GABRA1: variants seen among roughly 807,000 people sequenced by gnomAD.
The protein encoded by GABRA1 is gamma-aminobutyric acid type A receptor subunit alpha1.
GABRA1 carries 9 observed loss-of-function variants against 48.9 expected under a neutral mutation model. The observed-to-expected ratio is 0.18, with a 90% CI of 0.11 to 0.32. The LOEUF (loss-of-function observed/expected upper bound fraction) is 0.32, where lower values mean the gene tolerates loss of function less well. Among genes scored for constraint, GABRA1 ranks in the 10% least tolerant of loss-of-function variants. GABRA1 has a pLI of 1.00. For missense variants in GABRA1, 285 were observed against 553.8 expected (o/e 0.51, Z 4.87); for synonymous variants, 210 against 198.7 (o/e 1.06, Z -0.48).
chr5:161,893,048 T>TAATAAAAAAAAAA (rs5872733), intron 8 of GABRA1, among the ~76,000 whole-genome samples: 1 of 141,994 alleles, frequency 7.0e-6, no homozygotes, highest in South Asian at 2.2e-4. Flanking sequence ...ATAATAATAA[T>TAATAAAAAAAAAA]AAAATAAACA....
intron 3 of GABRA1, among the ~76,000 whole-genome samples, chr5:161,863,794 G>A (rs4605831): frequency 0.19 from 29,341 of 150,866 alleles, 3,463 homozygotes; most frequent in Middle Eastern, 0.3. Context: ...AGTTATATAC[G>A]CCTCAAGCGT....
intron 6 of GABRA1, among the ~76,000 whole-genome samples, chr5:161,881,420 A>G (rs992848977): frequency 1.1e-4 from 17 of 152,036 alleles, no homozygotes; most frequent in Non-Finnish European, 2.9e-5. Context: ...AACTGTGTAA[A>G]TTATCCATCA....
rs895383554 is a variant in GABRA1, at chr5:161,857,765, T to C, written c.187+3495T>C. On this transcript the variant is annotated intron_variant, in intron 3 of 9. Transcript: ENST00000393943. ...TAGACTTGAGTTAAAATAATCAGTA[T>C]CCAGAAAATAAAACTAAAAATTATC... Among the ~76,000 whole-genome samples, 15 of 151,590 alleles carry C rather than the reference T, an allele frequency of 9.9e-5. No homozygotes were observed. The Middle Eastern group carries it at 0.014, about 137-fold the overall frequency.
At chr5:161,855,984 A>G (rs2113314497) in intron 3 of GABRA1, among the ~76,000 whole-genome samples, 1 of 151,520 alleles carries the variant, frequency 6.6e-6, no homozygotes, top group South Asian at 2.1e-4. Context: ...ACAAACTGTT[A>G]AAATATTAGC....
chr5:161,894,106 T>C (rs1370654123), intron 8 of GABRA1, among the ~76,000 whole-genome samples: 1 of 152,208 alleles, frequency 6.6e-6, no homozygotes, highest in South Asian at 2.1e-4. Flanking sequence ...TTGTCAATTA[T>C]AATAGTCATT....
At chr5:161,858,149 A>C (rs894250458) in intron 3 of GABRA1, among the ~76,000 whole-genome samples, 22 of 151,488 alleles carry the variant, frequency 1.5e-4, no homozygotes, top group African/African-American at 5.3e-4. Context: ...ATCAATTTAT[A>C]TGGCTCTTTT....
At chr5:161,873,570 A>C (rs1225413885) in intron 5 of GABRA1, among the ~76,000 whole-genome samples, 1 of 152,172 alleles carries the variant, frequency 6.6e-6, no homozygotes, top group African/African-American at 2.4e-5. Flanking sequence ...AATTTTCTGT[A>C]GCTAGGTGGA....
At chr5:161,857,379 C>T (rs1257457076) in intron 3 of GABRA1, among the ~76,000 whole-genome samples, 1 of 151,442 alleles carries the variant, frequency 6.6e-6, no homozygotes, top group Non-Finnish European at 1.5e-5. Flanking sequence ...TTTTTAGAAA[C>T]ACACACTGCA....
At chr5:161,870,992 G>C (rs1754092862) in intron 4 of GABRA1, among the ~76,000 whole-genome samples, 2 of 140,512 alleles carry the variant, frequency 1.4e-5, no homozygotes, top group South Asian at 4.7e-4. Context: ...GTGTGTGTGT[G>C]TGTGACTGGT....
At chr5:161,861,497 A>G (rs1306090038) in intron 3 of GABRA1, among the ~76,000 whole-genome samples, 1 of 151,884 alleles carries the variant, frequency 6.6e-6, no homozygotes, top group African/African-American at 2.4e-5. Flanking sequence ...TTCCTAGGAC[A>G]TGCTTGTATC....
chr5:161,859,909 G>A (rs1354987850), intron 3 of GABRA1, among the ~76,000 whole-genome samples: 1 of 151,554 alleles, frequency 6.6e-6, no homozygotes, highest in African/African-American at 2.4e-5. Context: ...CTAGAGAATA[G>A]CCTTTAGTAT....
At chr5:161,864,066 T>G (rs1321591193) in intron 3 of GABRA1, among the ~76,000 whole-genome samples, 2 of 151,916 alleles carry the variant, frequency 1.3e-5, no homozygotes, top group Non-Finnish European at 2.9e-5. Flanking sequence ...AGGAGATATA[T>G]TAGAGAGGAA....
chr5:161,860,778 C>CA (rs1757825261), intron 3 of GABRA1, among the ~76,000 whole-genome samples: 1 of 151,548 alleles, frequency 6.6e-6, no homozygotes, highest in South Asian at 2.1e-4. Context: ...TAGGTATCCA[C>CA]AAAAAATTAG....
intron 3 of GABRA1, among the ~76,000 whole-genome samples, chr5:161,860,934 G>T (rs1243495954): frequency 2.6e-5 from 4 of 151,770 alleles, no homozygotes; most frequent in African/African-American, 9.7e-5. Flanking sequence ...GATCCAATGT[G>T]GGATTTTAAC....
At position 161,848,319 on chromosome 5, in the gene GABRA1, C is replaced by G. The variant is rs1459263855; in HGVS notation, c.-119C>G. 1.3e-5 allele frequency: 2 copies of G among 151,490 alleles called. No homozygotes were observed. The highest frequency in any genetic ancestry group is 6.6e-5 in the Admixed American group (1 of 15,216). The allele number at this position is 151,490 out of a possible 1,614,324, so 9.4% of individuals were successfully genotyped here. A position where few individuals can be genotyped will look rare whatever the true frequency, so the allele number is the denominator to read the frequency against. On this transcript the variant is annotated 5_prime_UTR_variant, in exon 1 of 10. Transcript: ENST00000393943. ...GGACGCCCCTCTGCTCTGGCGCGCC[C>G]GGACTCGGACTCGCAGACTCGCGCT...
At chr5:161,851,238 C>T (rs1172349770) in intron 2 of GABRA1, among the ~76,000 whole-genome samples, 1 of 152,034 alleles carries the variant, frequency 6.6e-6, no homozygotes, top group African/African-American at 2.4e-5. Context: ...GATTTAACAA[C>T]AAGAAAATTT....
At chr5:161,874,639 C>A (rs1754268367) in intron 5 of GABRA1, among the ~76,000 whole-genome samples, 1 of 152,024 alleles carries the variant, frequency 6.6e-6, no homozygotes, top group Non-Finnish European at 1.5e-5. Flanking sequence ...TTTTTACTTT[C>A]TTTAATAATT....
chr5:161,883,872 T>A (rs114120575), intron 7 of GABRA1, among the ~76,000 whole-genome samples: 1,602 of 152,238 alleles, frequency 0.011, 32 homozygotes, highest in African/African-American at 0.036. Flanking sequence ...TAAATGTTTA[T>A]GTGTTTTATT....
At chr5:161,850,598 T>C (rs1757402063) in intron 1 of GABRA1, 198 bp from the exon 2 acceptor site, 4 of 611,420 alleles carry the variant, frequency 6.5e-6, no homozygotes, top group South Asian at 5.8e-5. Context: ...GACACTGATA[T>C]ATTTCTGAAT....
Sources: gnomAD v4.1 joint callset for allele counts (sites outside exome capture counted in the v4.1 genomes callset) on GRCh38, gnomAD v4.1.1 for gene constraint, MANE v1.5 for transcripts, NCBI Gene and HGNC (gene_info 2026-07-23, HGNC 2026-07-21) for gene names.